DNAH8: variants seen among roughly 807,000 people sequenced by gnomAD.
DNAH8 encodes the protein axonemal beta dynein heavy chain 8.
A neutral mutation model predicts 562.1 loss-of-function variants in DNAH8; 382 were observed. The ratio of observed to expected loss-of-function variants is 0.68; its 90% confidence interval spans 0.63 to 0.74. The LOEUF (loss-of-function observed/expected upper bound fraction) is 0.74. Among genes scored for constraint, DNAH8 ranks in the 30% least tolerant of loss-of-function variants. The pLI is 0.00. For missense variants in DNAH8, 5,203 were observed against 5,620.4 expected (o/e 0.93, Z 2.37); for synonymous variants, 1,881 against 1,919.4 (o/e 0.98, Z 0.52).
At chr6:38,803,469 G>A (rs1468696060) in intron 22 of DNAH8, among the ~76,000 whole-genome samples, 158 bp downstream of exon 22, 1 of 152,100 alleles carries the variant, frequency 6.6e-6, no homozygotes, top group Non-Finnish European at 1.5e-5. Context: ...AACAGTTTAA[G>A]CCCAGAGAGT....
chr6:38,769,794 A>G (rs2127620381), intron 11 of DNAH8, among the ~76,000 whole-genome samples: 1 of 152,372 alleles, frequency 6.6e-6, no homozygotes, highest in East Asian at 1.9e-4. Context: ...AAATGGTGTT[A>G]TGATAAAGAT....
intron 53 of DNAH8, among the ~76,000 whole-genome samples, chr6:38,882,670 A>T (rs191575240): frequency 6.6e-6 from 1 of 152,300 alleles, no homozygotes; most frequent in Non-Finnish European, 1.5e-5. Context: ...TATCTAACAG[A>T]CCTGCACATG....
At chr6:38,956,442 C>A (rs575655421) in intron 82 of DNAH8, among the ~76,000 whole-genome samples, 1 of 152,298 alleles carries the variant, frequency 6.6e-6, no homozygotes, top group East Asian at 1.9e-4. Context: ...TGTGCAGAGA[C>A]CTGCTGGGAG....
intron 83 of DNAH8, 27 bp downstream of exon 83, chr6:38,971,692 G>A: frequency 6.5e-7 from 1 of 1,535,868 alleles, no homozygotes; most frequent in East Asian, 2.3e-5. Flanking sequence ...TGCTCCTGCT[G>A]CAACATTATT....
In DNAH8 at chr6:38,780,001, A is replaced by C; in HGVS notation, c.2075A>C (p.Glu692Ala). 1.9e-6 allele frequency: 3 copies of C among 1,614,070 alleles called. No homozygotes were observed. The highest frequency in any genetic ancestry group is 2.5e-6 in the Non-Finnish European group (3 of 1,179,992). ...QKLNIPCLGL[E>A]INHTIERILQ... ...CTGAACATTCCCTGTCTGGGATTAGAAATAAACCACACAATAGAGCGTATT... is the reference window on the plus strand; with the variant it reads ...CTGAACATTCCCTGTCTGGGATTAGCAATAAACCACACAATAGAGCGTATT... The change falls in exon 15 of 93, where the codon GAA (glutamate) becomes GCA (alanine). Residue 692 changes from glutamate (E) to alanine (A), a missense_variant. By Grantham distance (107) the Glu-to-Ala change is moderately radical (BLOSUM62 -1). Coordinates refer to ENST00000327475, the MANE Select transcript of DNAH8 (RefSeq NM_001206927.2).
In DNAH8 at chr6:38,945,607, G is replaced by A. The variant is rs1188898379; in HGVS notation, c.12129+19G>A. The stretch of plus-strand genomic sequence containing the variant: ...GAACCAGGTAATACAATAAAGGGCT[G>A]GTTGAAAGTGCAGATCTGCAAACCC... On this transcript the variant is annotated intron_variant, in intron 80 of 92. Coordinates refer to ENST00000327475, the MANE Select transcript of DNAH8 (RefSeq NM_001206927.2). The A allele has an allele frequency of 1.2e-6, 2 of 1,613,224 alleles. No homozygotes were observed. The highest frequency in any genetic ancestry group is 1.7e-6 in the Non-Finnish European group (2 of 1,179,694).
rs111576399 is a variant in DNAH8 at position 38,922,987 on chromosome 6, G to A, written c.10663-71G>A. The A allele has an allele frequency of 7.9e-4, 1,162 of 1,478,252 alleles. 6 individuals carry two copies. In the African/African-American group the frequency reaches 0.013, roughly 17 times the overall value. The allele number at this position is 1,478,252 out of a possible 1,614,324, so 91.6% of individuals were successfully genotyped here. On this transcript the variant is annotated intron_variant, in intron 71 of 92. Coordinates refer to ENST00000327475, the MANE Select transcript of DNAH8 (RefSeq NM_001206927.2). ...GAAATTCCCCCATGTATTTTTATGT[G>A]TGAATATAATGGATGTTTGTGTTAA...
At chr6:38,899,678 T>C in intron 61 of DNAH8, 98 bp from the exon 62 acceptor site, 1 of 1,349,316 alleles carries the variant, frequency 7.4e-7, no homozygotes, top group Non-Finnish European at 1.0e-6. Context: ...TCTAATATCA[T>C]CTAGAAACAT....
intron 7 of DNAH8, among the ~76,000 whole-genome samples, chr6:38,741,035 T>C (rs1465160322): frequency 3.3e-5 from 5 of 152,184 alleles, no homozygotes; most frequent in African/African-American, 1.2e-4. Flanking sequence ...GGGATATCTA[T>C]TACCAGGTGG....
At chr6:38,829,912 C>T (rs539697560) in intron 30 of DNAH8, among the ~76,000 whole-genome samples, 25 of 152,282 alleles carry the variant, frequency 1.6e-4, no homozygotes, top group African/African-American at 5.8e-4. Flanking sequence ...TCTCCATTTT[C>T]CCCTACCATT....
intron 77 of DNAH8, among the ~76,000 whole-genome samples, chr6:38,936,921 G>A (rs1783020209): frequency 1.3e-5 from 2 of 152,068 alleles, no homozygotes; most frequent in Non-Finnish European, 2.9e-5. Context: ...CGCAGATATG[G>A]GGACTGTTAG....
intron 83 of DNAH8, among the ~76,000 whole-genome samples, chr6:38,972,976 A>G (rs972222064): frequency 2.0e-5 from 3 of 152,158 alleles, no homozygotes; most frequent in Non-Finnish European, 4.4e-5. Flanking sequence ...CATGCTCACT[A>G]TTTTGTAGTT....
At chr6:38,978,457 C>T (rs1008210523) in intron 85 of DNAH8, among the ~76,000 whole-genome samples, 9 of 152,292 alleles carry the variant, frequency 5.9e-5, no homozygotes, top group Admixed American at 5.9e-4. Context: ...TTATAAAATT[C>T]CTCATTTAAA....
intron 31 of DNAH8, among the ~76,000 whole-genome samples, chr6:38,834,143 A>G (rs1292962985): frequency 6.6e-6 from 1 of 152,236 alleles, no homozygotes; most frequent in Non-Finnish European, 1.5e-5. Context: ...AGAACTCTGT[A>G]TCAGTTATTC....
chr6:38,781,025 A>G (rs1217062154), intron 15 of DNAH8, among the ~76,000 whole-genome samples: 1 of 152,184 alleles, frequency 6.6e-6, no homozygotes, highest in Non-Finnish European at 1.5e-5. Context: ...GGCAGAAAAA[A>G]AATACATGTA....
Position 38,853,418 on chromosome 6 carries a change from G to T in DNAH8, c.5733+71G>T, listed in dbSNP as rs151049574. ...AAAGGGGAAGGATGCTTAGCAGGTG[G>T]TTGACCTGATGGTGTGAGGCAATTG... On this transcript the variant is annotated intron_variant, in intron 41 of 92. Transcript: ENST00000327475. 9.8e-4 allele frequency: 1,500 copies of T among 1,530,352 alleles called. 1 individual carries two copies. Among genetic ancestry groups the T allele is most frequent in the Non-Finnish European group, 1.1e-3 (1,186 of 1,116,836 alleles). 94.8% of individuals were successfully genotyped at this position (1,530,352 alleles called of 1,614,324 possible). A position where few individuals can be genotyped will look rare whatever the true frequency, so the allele number is the denominator to read the frequency against.
At chr6:38,920,894 TA>T (rs1781650097) in intron 70 of DNAH8, among the ~76,000 whole-genome samples, 1 of 152,112 alleles carries the variant, frequency 6.6e-6, no homozygotes, top group African/African-American at 2.4e-5. Flanking sequence ...CATTAATAAT[TA>T]AAAAAATTTT....
rs1472854512 is a variant in DNAH8 at position 38,875,702 on chromosome 6, C to G, written c.7732C>G (p.Leu2578Val). Residue 2578 changes from leucine (L) to valine (V), a missense_variant, in exon 53 of 93, where the codon CTT (leucine) becomes GTT (valine). Transcript: ENST00000327475. ...TGGCCTAATGTGGAGTTTAGGAGCC[C>G]TTCTGGAATTAGAAAGCAGAGAAAA... ...VFGLMWSLGA[L>V]LELESREKLE... The G allele has an allele frequency of 1.2e-6, 2 of 1,613,878 alleles. No homozygotes were observed. Among genetic ancestry groups the G allele is most frequent in the East Asian group, 4.5e-5 (2 of 44,848 alleles).
chr6:38,940,807 T>C (rs900419763), intron 79 of DNAH8, among the ~76,000 whole-genome samples: 1 of 152,098 alleles, frequency 6.6e-6, no homozygotes, highest in African/African-American at 2.4e-5. Context: ...ATTTGAGCTA[T>C]CCAGAAAACA....
Sources: gnomAD v4.1 joint callset for allele counts (sites outside exome capture counted in the v4.1 genomes callset) on GRCh38, gnomAD v4.1.1 for gene constraint, MANE v1.5 for transcripts, NCBI Gene and HGNC (gene_info 2026-07-23, HGNC 2026-07-21) for gene names.